HTR2C: variants seen among roughly 807,000 people sequenced by gnomAD.
HTR2C encodes the protein 5-hydroxytryptamine receptor 2C, also known as 5-hydroxytryptamine (serotonin) receptor 2C, G protein-coupled.
Under a neutral mutation model 21.0 loss-of-function variants are expected in HTR2C, and 5 were observed. That is an observed-to-expected ratio of 0.24 (90% CI 0.12 to 0.50). The LOEUF (loss-of-function observed/expected upper bound fraction) is 0.50, where lower values mean the gene tolerates loss of function less well. HTR2C is among the 20% of genes least tolerant of loss of function. The pLI, the probability that HTR2C is intolerant of heterozygous loss-of-function variation, is 0.98. For synonymous variants in HTR2C, 150 were observed against 145.3 expected (o/e 1.03, Z -0.23); for missense variants, 271 against 371.2 (o/e 0.73, Z 2.22).
intron 4 of HTR2C, among the ~76,000 whole-genome samples, chrX:114,811,804 C>G (rs1235014574): frequency 1.8e-5 from 2 of 112,242 alleles, no homozygotes; most frequent in Non-Finnish European, 3.8e-5. Flanking sequence ...CCAGCATGTG[C>G]TTTCATTAGT....
At chrX:114,808,046 G>T (rs1556451396) in intron 4 of HTR2C, among the ~76,000 whole-genome samples, 2 of 110,372 alleles carry the variant, frequency 1.8e-5, no homozygotes, top group African/African-American at 6.6e-5. Context: ...TCAAATACTA[G>T]ATCTTACTCA....
At chrX:114,826,551 C>G (rs1464872545) in intron 4 of HTR2C, among the ~76,000 whole-genome samples, 3 of 111,777 alleles carry the variant, frequency 2.7e-5, no homozygotes, top group Non-Finnish European at 5.6e-5. Flanking sequence ...GACTTGAGTT[C>G]CATCCCCAAC....
chrX:114,632,424 A>G lies in HTR2C; in HGVS notation c.-80+18543A>G, dbSNP rs1307604753. On this transcript the variant is annotated intron_variant, in intron 2 of 5. Transcript: ENST00000276198. ...CAGATCAGGTAGCAAAAGAATGTAC[A>G]CAATCTGCATTTCATTTACAATCTT... 3.9e-4 allele frequency among the ~76,000 whole-genome samples: 44 copies of G among 111,590 alleles called. No individual in the cohort carries two copies. In the Admixed American group the frequency reaches 4.2e-3, roughly 11 times the overall value.
At chrX:114,811,877 G>A (rs1467814835) in intron 4 of HTR2C, among the ~76,000 whole-genome samples, 1 of 111,631 alleles carries the variant, frequency 9.0e-6, no homozygotes. Context: ...TAAAATAACT[G>A]TTTCTTCCTA....
rs1425914228 is a variant in HTR2C, at chrX:114,906,804, C to T, written c.766C>T (p.Pro256Ser). The T allele has an allele frequency of 9.1e-6, 11 of 1,210,833 alleles. No homozygotes were observed. Among genetic ancestry groups the T allele is most frequent in the Non-Finnish European group, 1.2e-5 (11 of 895,194 alleles). The change falls in exon 6 of 6, where the codon CCG (proline) becomes TCG (serine). Residue 256 changes from proline (P) to serine (S), a missense_variant. Coordinates refer to ENST00000276198, the MANE Select transcript of HTR2C (RefSeq NM_000868.4). The stretch of plus-strand genomic sequence containing the variant: ...GTTACTGCACGGCCACACCGAGGAA[C>T]CGCCTGGACTAAGTCTGGATTTCCT... ...LMLLHGHTEE[P>S]PGLSLDFLKC...
At chrX:114,650,900 T>A (rs1020862778) in intron 2 of HTR2C, among the ~76,000 whole-genome samples, 2 of 111,668 alleles carry the variant, frequency 1.8e-5, no homozygotes, top group Non-Finnish European at 3.8e-5. Flanking sequence ...CACAGTAAGA[T>A]GATGAAAAGA....
chrX:114,902,552 A>G (rs1556485499), intron 5 of HTR2C, among the ~76,000 whole-genome samples: 1 of 111,703 alleles, frequency 9.0e-6, no homozygotes, highest in African/African-American at 3.2e-5. Context: ...ATAATCTCCA[A>G]AACAAATCAG....
At chrX:114,735,331 A>G (rs2069580461) in intron 4 of HTR2C, among the ~76,000 whole-genome samples, 1 of 111,239 alleles carries the variant, frequency 9.0e-6, no homozygotes, top group South Asian at 3.7e-4. Context: ...AAAATAAAAT[A>G]GAATAAAATA....
chrX:114,589,902 TAAG>T (rs1205945146), intron 1 of HTR2C: 2 of 307,284 alleles, frequency 6.5e-6, no homozygotes, highest in Admixed American at 3.4e-5. Context: ...TGGGAAGAGA[TAAG>T]AAGAGAAAGG....
chrX:114,698,506 A>G (rs1556416243), intron 2 of HTR2C, among the ~76,000 whole-genome samples: 1 of 109,351 alleles, frequency 9.1e-6, no homozygotes, highest in Non-Finnish European at 1.9e-5. Flanking sequence ...ATGTTTCACC[A>G]AAGAGTACTT....
At chrX:114,784,810 G>T (rs1298760530) in intron 4 of HTR2C, among the ~76,000 whole-genome samples, 1 of 109,608 alleles carries the variant, frequency 9.1e-6, no homozygotes, top group African/African-American at 3.3e-5. Flanking sequence ...TAGTAGAGAC[G>T]GGGTTTCACC....
chrX:114,795,384 C>A (rs782565255), intron 4 of HTR2C, among the ~76,000 whole-genome samples: 3 of 110,749 alleles, frequency 2.7e-5, no homozygotes, highest in East Asian at 5.7e-4. Flanking sequence ...TCCCATTTGT[C>A]AATTTTGGCT....
At chrX:114,722,480 T>C (rs1422475462) in intron 2 of HTR2C, among the ~76,000 whole-genome samples, 3 of 111,376 alleles carry the variant, frequency 2.7e-5, no homozygotes, top group Non-Finnish European at 5.6e-5. Flanking sequence ...TTTGACGTCC[T>C]CTTTTCCTAA....
intron 2 of HTR2C, among the ~76,000 whole-genome samples, chrX:114,668,500 A>G (rs1423444588): frequency 1.8e-5 from 2 of 111,597 alleles, no homozygotes; most frequent in African/African-American, 6.5e-5. Flanking sequence ...CCAAAATTCT[A>G]TAATTATTTT....
intron 2 of HTR2C, among the ~76,000 whole-genome samples, chrX:114,677,241 T>C (rs1172098912): frequency 2.7e-5 from 3 of 111,179 alleles, no homozygotes; most frequent in Admixed American, 9.7e-5. Flanking sequence ...AAATAAACTA[T>C]GGTGGCAATT....
chrX:114,909,824 T>A lies in HTR2C; in HGVS notation c.*2409T>A, dbSNP rs2147546270. The A allele has an allele frequency of 8.9e-6, 1 of 112,587 alleles. No homozygotes were observed. The highest frequency in any genetic ancestry group is 3.7e-4 in the South Asian group (1 of 2,736). The allele number at this position is 112,587 out of a possible 1,213,427, so 9.3% of individuals were successfully genotyped here. A position where few individuals can be genotyped will look rare whatever the true frequency, so the allele number is the denominator to read the frequency against. On this transcript the variant is annotated 3_prime_UTR_variant, in exon 6 of 6. Coordinates refer to ENST00000276198, the MANE Select transcript of HTR2C (RefSeq NM_000868.4). ...TGTTTTAAAGAAGTCCATGTGATAA[T>A]TGTAAAGGTGATGAATTTACCATCA...
At chrX:114,677,453 C>G (rs782464730) in intron 2 of HTR2C, among the ~76,000 whole-genome samples, 44 of 109,855 alleles carry the variant, frequency 4.0e-4, no homozygotes, top group African/African-American at 1.4e-3. Context: ...TTTTAGAGGA[C>G]AAACCTCAGT....
chrX:114,668,918 CAT>C (rs1309226388), intron 2 of HTR2C, among the ~76,000 whole-genome samples: 1 of 110,879 alleles, frequency 9.0e-6, no homozygotes, highest in Non-Finnish European at 1.9e-5. Context: ...ATATATATAA[CAT>C]GTGTATATAG....
At chrX:114,763,547 T>C (rs2069903635) in intron 4 of HTR2C, among the ~76,000 whole-genome samples, 1 of 111,612 alleles carries the variant, frequency 9.0e-6, no homozygotes, top group African/African-American at 3.3e-5. Flanking sequence ...TTGTTACTTA[T>C]GGTTATCATC....
Sources: allele counts gnomAD v4.1 joint callset (sites outside exome capture counted in the v4.1 genomes callset), GRCh38; gene constraint gnomAD v4.1.1; transcripts MANE v1.5; gene names NCBI Gene and HGNC (gene_info 2026-07-23, HGNC 2026-07-21).